Variants in SCN9A observed in about 807,000 individuals in gnomAD.
SCN9A encodes the protein sodium voltage-gated channel alpha subunit 9, also known as sodium channel protein type 9 subunit alpha.
Under a neutral mutation model 187.0 loss-of-function variants are expected in SCN9A, and 131 were observed. The observed-to-expected ratio is 0.70, with a 90% confidence interval of 0.61 to 0.81. The LOEUF (loss-of-function observed/expected upper bound fraction) is 0.81. Ranked by LOEUF, SCN9A falls within the 30% of genes least tolerant of loss-of-function variation. The pLI, the probability that SCN9A is intolerant of heterozygous loss-of-function variation, is 0.00. For synonymous variants in SCN9A, 809 were observed against 808.6 expected (o/e 1.00, Z -0.01); for missense variants, 2,252 against 2,396.6 (o/e 0.94, Z 1.26).
At chr2:166,365,877 T>C (rs1170364500) in intron 1 of SCN9A, among the ~76,000 whole-genome samples, 1 of 152,202 alleles carries the variant, frequency 6.6e-6, no homozygotes, top group Non-Finnish European at 1.5e-5. Flanking sequence ...CTCCATGTGT[T>C]GTTCATTGCT....
chr2:166,214,409 G>A (rs1442436128), intron 24 of SCN9A, among the ~76,000 whole-genome samples: 1 of 151,348 alleles, frequency 6.6e-6, no homozygotes, highest in Non-Finnish European at 1.5e-5. Context: ...AGCAAATGAA[G>A]AATAAACCTT....
intron 12 of SCN9A, among the ~76,000 whole-genome samples, chr2:166,283,166 A>T (rs916884979): frequency 2.6e-5 from 4 of 152,230 alleles, no homozygotes; most frequent in African/African-American, 9.6e-5. Context: ...GATATAAATT[A>T]TATAGTATTT....
intron 9 of SCN9A, 129 bp from the exon 10 acceptor site, chr2:166,288,772 G>A: frequency 1.6e-6 from 1 of 617,422 alleles, no homozygotes; most frequent in East Asian, 2.9e-5. Flanking sequence ...AAAGAGAAAA[G>A]TTATATCTTC....
chr2:166,233,493 CAAT>C (rs1468862553), intron 20 of SCN9A, 31 bp from the exon 21 acceptor site: 1 of 1,521,572 alleles, frequency 6.6e-7, no homozygotes, highest in Non-Finnish European at 8.8e-7. Context: ...TTAATTGTGT[CAAT>C]AAAATGATGA....
At chr2:166,318,494 A>C (rs192210846) in intron 1 of SCN9A, among the ~76,000 whole-genome samples, 30 of 152,262 alleles carry the variant, frequency 2.0e-4, no homozygotes, top group African/African-American at 6.5e-4. Flanking sequence ...CTTTAGAAAA[A>C]AAAAAGCAAA....
chr2:166,288,597 A>G lies in SCN9A; in HGVS notation c.1154T>C (p.Val385Ala). The change falls in exon 10 of 27, where the codon GTG becomes GCG. Residue 385 changes from valine to alanine, a missense_variant. Transcript: ENST00000642356. ...GKTYMIFFVV[V>A]IFLGSFYLIN... ...TAGATAAAAGGAGCCCAGGAAAATC[A>G]CTACGACAAAGAAGATCATGTAGGT... is the stretch of plus-strand genomic sequence containing the variant. The G allele has an allele frequency of 6.2e-7, 1 of 1,611,792 alleles. No individual in the cohort carries two copies. The highest frequency in any genetic ancestry group is 1.1e-5 in the South Asian group (1 of 90,640).
At chr2:166,371,487 A>T (rs1458088171) in intron 1 of SCN9A, among the ~76,000 whole-genome samples, 3 of 152,176 alleles carry the variant, frequency 2.0e-5, no homozygotes, top group Non-Finnish European at 4.4e-5. Flanking sequence ...CCTTCCAGCA[A>T]GGCAGAGGAA....
chr2:166,241,255 T>A (rs1473680023), intron 19 of SCN9A, among the ~76,000 whole-genome samples: 1 of 152,100 alleles, frequency 6.6e-6, no homozygotes, highest in East Asian at 1.9e-4. Context: ...TCTGGGCTCC[T>A]AATGGCTTCT....
At chr2:166,309,297 G>A (rs927077876) in intron 2 of SCN9A, among the ~76,000 whole-genome samples, 3 of 152,098 alleles carry the variant, frequency 2.0e-5, no homozygotes, top group Non-Finnish European at 4.4e-5. Flanking sequence ...TTTTAAAATT[G>A]AAATTAGCAA....
In SCN9A at chr2:166,227,686, G is replaced by A. The variant is rs1694897462; in HGVS notation, c.4244C>T (p.Ala1415Val). The A allele has an allele frequency of 6.6e-7, 1 of 1,522,192 alleles. No individual in the cohort carries two copies. Among genetic ancestry groups the A allele is most frequent in the Non-Finnish European group, 9.0e-7 (1 of 1,116,826 alleles). 94.3% of individuals were successfully genotyped at this position (1,522,192 alleles called of 1,614,324 possible). ...FKGWTIIMYA[A>V]VDSVNVDKQP... is the part of the protein sequence containing the mutation. Reference sequence around the variant, plus strand: ...AATACTTACATTAACAGAATCCACTGCTGCATACATAATAATCGTCCATCC... The same window carrying A: ...AATACTTACATTAACAGAATCCACTACTGCATACATAATAATCGTCCATCC... Residue 1415 changes from alanine (A) to valine (V), a missense_variant, in exon 23 of 27, where the codon GCA becomes GTA. Physicochemically the swap from Ala to Val is moderately conservative, Grantham distance 64. Coordinates refer to ENST00000642356, the MANE Select transcript of SCN9A (RefSeq NM_001365536.1).
At chr2:166,253,431 AGTTT>A (rs1383410399) in intron 17 of SCN9A, among the ~76,000 whole-genome samples, 1 of 151,842 alleles carries the variant, frequency 6.6e-6, no homozygotes, top group Admixed American at 6.6e-5. Context: ...CATCTAAATT[AGTTT>A]AATTTAAAAT....
chr2:166,302,725 TA>T (rs1169255960), intron 7 of SCN9A: 38 of 148,474 alleles, frequency 2.6e-4, no homozygotes, highest in African/African-American at 7.8e-4. Context: ...ATAATAAATA[TA>T]AGTATGTACT....
chr2:166,236,850 T>C (rs1384539080), intron 20 of SCN9A, among the ~76,000 whole-genome samples: 1 of 152,224 alleles, frequency 6.6e-6, no homozygotes, highest in Non-Finnish European at 1.5e-5. Flanking sequence ...TGTGATTTTC[T>C]AATCCACATA....
chr2:166,204,141 C>T lies in SCN9A; in HGVS notation c.4588G>A (p.Val1530Ile), dbSNP rs577681720. ...CCCTCCTTTTCTACCATCATGGTTA[C>T]CATGTTGAGACAGATAAGAACCATG... ...SIMVLICLNM[V>I]TMMVEKEGQS... The change falls in exon 26 of 27, where the codon GTA becomes ATA. Residue 1530 changes from valine (V) to isoleucine (I), a missense_variant. Physicochemically the swap from Val to Ile is conservative, Grantham distance 29. Coordinates refer to ENST00000642356, the MANE Select transcript of SCN9A (RefSeq NM_001365536.1). The T allele has an allele frequency of 6.2e-7, 1 of 1,612,046 alleles. No individual in the cohort carries two copies. Among genetic ancestry groups the T allele is most frequent in the African/African-American group, 1.3e-5 (1 of 74,936 alleles).
intron 9 of SCN9A, among the ~76,000 whole-genome samples, chr2:166,289,766 T>C (rs1292997132): frequency 6.6e-6 from 1 of 152,200 alleles, no homozygotes; most frequent in Non-Finnish European, 1.5e-5. Context: ...ACCAACAGTT[T>C]AAAAGCATTC....
intron 1 of SCN9A, among the ~76,000 whole-genome samples, chr2:166,316,964 GA>G (rs1699124282): frequency 6.6e-6 from 1 of 151,882 alleles, no homozygotes; most frequent in South Asian, 2.1e-4. Flanking sequence ...GAGCAGCTTT[GA>G]AAGAGAGCGT....
In SCN9A at chr2:166,288,649, G is replaced by C; in HGVS notation, c.1108-6C>G. 1 of 1,529,254 alleles carries C rather than the reference G, an allele frequency of 6.5e-7. No homozygotes were observed. The highest frequency in any genetic ancestry group is 8.8e-7 in the Non-Finnish European group (1 of 1,135,208). The allele number at this position is 1,529,254 out of a possible 1,614,324, so 94.7% of individuals were successfully genotyped here. ...TTGCCAGCAGCACGCAGCGTCTAGGGAAAAATGGAAATTGTCATTTGAACA... is the reference window on the plus strand; with the variant it reads ...TTGCCAGCAGCACGCAGCGTCTAGGCAAAAATGGAAATTGTCATTTGAACA... On this transcript the variant is annotated splice_region_variant and splice_polypyrimidine_tract_variant and intron_variant, in intron 9 of 26. Coordinates refer to ENST00000642356, the MANE Select transcript of SCN9A (RefSeq NM_001365536.1).
intron 14 of SCN9A, among the ~76,000 whole-genome samples, chr2:166,279,474 T>G (rs1697381177): frequency 6.6e-6 from 1 of 152,158 alleles, no homozygotes; most frequent in Non-Finnish European, 1.5e-5. Flanking sequence ...AAACTGGCAT[T>G]TTGTTTACCC....
At chr2:166,217,526 A>G (rs1694388925) in intron 24 of SCN9A, among the ~76,000 whole-genome samples, 1 of 152,134 alleles carries the variant, frequency 6.6e-6, no homozygotes, top group Non-Finnish European at 1.5e-5. Context: ...TAGAAAATCA[A>G]TAAACCAATT....
Sources: allele counts gnomAD v4.1 joint callset (sites outside exome capture counted in the v4.1 genomes callset), GRCh38; gene constraint gnomAD v4.1.1; transcripts MANE v1.5; gene names NCBI Gene and HGNC (gene_info 2026-07-23, HGNC 2026-07-21).